The following DLC1 variants were observed in gnomAD, a reference collection of about 807,000 sequenced individuals.
The protein encoded by DLC1 is DLC1 Rho GTPase activating protein, also known as rho GTPase-activating protein 7.
A neutral mutation model predicts 140.3 loss-of-function variants in DLC1; 54 were observed. That is an observed-to-expected ratio of 0.38 (90% CI 0.31 to 0.48). The LOEUF is 0.48. Ranked by LOEUF, DLC1 falls within the 20% of genes least tolerant of loss-of-function variation. The probability of loss-of-function intolerance (pLI) is 0.96; values close to 1 mark genes in which losing one functional copy is unlikely to be tolerated. For synonymous variants in DLC1, 986 were observed against 728.1 expected, an observed-to-expected ratio of 1.35 and a Z score of -5.70; for missense variants, 2,536 against 1,907.0, an observed-to-expected ratio of 1.33 and a Z score of -6.14.
intron 7 of DLC1, among the ~76,000 whole-genome samples, chr8:13,105,974 C>T (rs1040042149): frequency 5.9e-5 from 9 of 152,198 alleles, no homozygotes; most frequent in Admixed American, 3.3e-4. Context: ...ATATGCTGGG[C>T]GTAACCCATC....
intron 2 of DLC1, among the ~76,000 whole-genome samples, chr8:13,483,735 C>T (rs1181508240): frequency 6.6e-6 from 1 of 152,060 alleles, no homozygotes; most frequent in Non-Finnish European, 1.5e-5. Context: ...CCATGTCTTC[C>T]ATATTGGAAT....
intron 2 of DLC1, among the ~76,000 whole-genome samples, chr8:13,427,522 C>G (rs970244322): frequency 6.6e-6 from 1 of 152,210 alleles, no homozygotes; most frequent in Admixed American, 6.5e-5. Context: ...CTGTTTCTGT[C>G]TCTGTTAGCT....
intron 1 of DLC1, among the ~76,000 whole-genome samples, chr8:13,538,889 A>G (rs1803390362): frequency 6.6e-6 from 1 of 152,160 alleles, no homozygotes. Context: ...TGTCGTAAAT[A>G]TCTTTTTCCT....
At chr8:13,327,124 T>TTA (rs1833389659) in intron 4 of DLC1, among the ~76,000 whole-genome samples, 1 of 45,912 alleles carries the variant, frequency 2.2e-5, no homozygotes. Flanking sequence ...CCGGCTATTT[T>TTA]TTTTTTTTTT....
chr8:13,535,680 AAAAAG>A (rs1464812152), intron 1 of DLC1, among the ~76,000 whole-genome samples: 19 of 149,398 alleles, frequency 1.3e-4, no homozygotes, highest in African/African-American at 3.0e-4. Flanking sequence ...AAAAAAAAAA[AAAAAG>A]AAAAGAAAAC....
intron 4 of DLC1, among the ~76,000 whole-genome samples, chr8:13,324,572 C>CAAAAAA (rs5889431): frequency 2.8e-4 from 31 of 110,106 alleles, no homozygotes; most frequent in South Asian, 1.7e-3. Flanking sequence ...GACTCCGTCT[C>CAAAAAA]AAAAAAAAAA....
chr8:13,409,353 A>G (rs1837691410), intron 2 of DLC1, among the ~76,000 whole-genome samples: 1 of 152,176 alleles, frequency 6.6e-6, no homozygotes, highest in Non-Finnish European at 1.5e-5. Context: ...ATGCTTTACT[A>G]CAAGTAGAGA....
At chr8:13,346,990 C>G (rs188183749) in intron 4 of DLC1, among the ~76,000 whole-genome samples, 34 of 152,316 alleles carry the variant, frequency 2.2e-4, no homozygotes, top group Admixed American at 6.5e-4. Context: ...ACTTTTATTA[C>G]AGCATCTTGT....
intron 4 of DLC1, among the ~76,000 whole-genome samples, chr8:13,380,456 C>T (rs923556751): frequency 1.3e-5 from 2 of 152,200 alleles, no homozygotes; most frequent in Non-Finnish European, 2.9e-5. Context: ...CCTTCCTCCA[C>T]CTTTTTGTGG....
chr8:13,537,968 C>G (rs1344290058), intron 1 of DLC1, among the ~76,000 whole-genome samples: 1 of 152,110 alleles, frequency 6.6e-6, no homozygotes, highest in Admixed American at 6.5e-5. Flanking sequence ...ACAGCTAACT[C>G]TTGAGAGGTT....
intron 1 of DLC1, among the ~76,000 whole-genome samples, chr8:13,524,608 A>G (rs1802863849): frequency 6.6e-6 from 1 of 152,158 alleles, no homozygotes; most frequent in South Asian, 2.1e-4. Flanking sequence ...TCAATGAAAC[A>G]TGATACATCT....
At chr8:13,330,151 G>T (rs1412396626) in intron 4 of DLC1, among the ~76,000 whole-genome samples, 1 of 151,996 alleles carries the variant, frequency 6.6e-6, no homozygotes, top group Non-Finnish European at 1.5e-5. Flanking sequence ...TTTTTGTAGA[G>T]ACAGAATCTT....
At chr8:13,134,727 G>A (rs569579638) in intron 5 of DLC1, among the ~76,000 whole-genome samples, 2 of 152,244 alleles carry the variant, frequency 1.3e-5, no homozygotes, top group South Asian at 4.2e-4. Flanking sequence ...TGGGAACCGA[G>A]GTGGGAGGAT....
At chr8:13,294,399 A>T (rs931531510) in intron 5 of DLC1, among the ~76,000 whole-genome samples, 1 of 150,342 alleles carries the variant, frequency 6.7e-6, no homozygotes, top group Non-Finnish European at 1.5e-5. Flanking sequence ...CAAGTACAAA[A>T]ACGACCAGTT....
chr8:13,465,612 A>G (rs1224358354), intron 2 of DLC1, among the ~76,000 whole-genome samples: 1 of 152,052 alleles, frequency 6.6e-6, no homozygotes, highest in Non-Finnish European at 1.5e-5. Context: ...TTTAAAGGAC[A>G]TTCTCATTAG....
At chr8:13,218,973 C>CTA (rs1563173865) in intron 5 of DLC1, among the ~76,000 whole-genome samples, 1 of 76,112 alleles carries the variant, frequency 1.3e-5, no homozygotes, top group African/African-American at 6.7e-5. Context: ...TAATTATATA[C>CTA]GTATATAACT....
Position 13,100,615 on chromosome 8 carries a change from G to A in DLC1, c.1722C>T (p.Asp574=), listed in dbSNP as rs375084868. 12 of 1,613,946 alleles carry A rather than the reference G, an allele frequency of 7.4e-6. No individual in the cohort carries two copies. The highest frequency in any genetic ancestry group is 1.1e-5 in the South Asian group (1 of 91,064). The change falls in exon 9 of 18, where the codon GAC becomes GAT. Residue 574 remains aspartate, a synonymous_variant. Transcript: ENST00000276297. ...PGSPDDSHPK[D]GPSPGGTLMD... is the part of the protein sequence containing the mutation. Reference sequence around the variant, plus strand: ...TCAGCGTGCCTCCGGGGCTGGGGCCGTCCTTCGGGTGGGAGTCGTCTGGGG... The same window carrying A: ...TCAGCGTGCCTCCGGGGCTGGGGCCATCCTTCGGGTGGGAGTCGTCTGGGG...
chr8:13,511,174 CTT>C (rs1403377454), intron 1 of DLC1, among the ~76,000 whole-genome samples: 3 of 152,126 alleles, frequency 2.0e-5, no homozygotes, highest in African/African-American at 4.8e-5. Flanking sequence ...CTGATTTTCT[CTT>C]TGAATTATTT....
chr8:13,243,276 G>A (rs1011755420), intron 5 of DLC1, among the ~76,000 whole-genome samples: 2 of 126,484 alleles, frequency 1.6e-5, no homozygotes, highest in Non-Finnish European at 3.2e-5. Context: ...GGTGACAAGA[G>A]TGAGACTCTG....
Sources: allele counts gnomAD v4.1 joint callset (sites outside exome capture counted in the v4.1 genomes callset), GRCh38; gene constraint gnomAD v4.1.1; transcripts MANE v1.5; gene names NCBI Gene and HGNC (gene_info 2026-07-23, HGNC 2026-07-21).